Variants in EBF1 observed in about 807,000 individuals in gnomAD.
EBF1 encodes EBF transcription factor 1, also known as transcription factor COE1.
Under a neutral mutation model 68.4 loss-of-function variants are expected in EBF1, and 10 were observed. The observed-to-expected ratio is 0.15, with a 90% CI of 0.09 to 0.25. The LOEUF is 0.25. Among genes scored for constraint, EBF1 ranks in the 10% least tolerant of loss-of-function variants. The pLI is 1.00. For missense variants in EBF1, 509 were observed against 794.4 expected (o/e 0.64, Z 4.32); for synonymous variants, 298 against 299.8 (o/e 0.99, Z 0.06).
rs534374216 is a variant in EBF1, at chr5:158,840,645, G to GTTTTTTTTTTTTTTTTT, written c.555-552_555-536dup. Reference sequence around the variant, plus strand: ...TCCTTTGACTTCTCAAATACCTCCTGTTTTTTTTTTTTTTTTTTTTTTTTT... The same window carrying GTTTTTTTTTTTTTTTTT: ...TCCTTTGACTTCTCAAATACCTCCTGTTTTTTTTTTTTTTTTTTTTTTTTTTTTTTTTTTTTTTTTTT... On this transcript the variant is annotated intron_variant, in intron 6 of 15. Coordinates refer to ENST00000313708, the MANE Select transcript of EBF1 (RefSeq NM_024007.5). Among the ~76,000 whole-genome samples the GTTTTTTTTTTTTTTTTT allele has an allele frequency of 2.0e-4, 13 of 64,816 alleles. 3 individuals carry two copies. Among genetic ancestry groups the GTTTTTTTTTTTTTTTTT allele is most frequent in the East Asian group, 5.4e-4 (1 of 1,852 alleles). 42.5% of individuals were successfully genotyped at this position (64,816 alleles called of 152,430 possible).
intron 11 of EBF1, among the ~76,000 whole-genome samples, chr5:158,718,563 C>A (rs1761247529): frequency 6.6e-6 from 1 of 152,112 alleles, no homozygotes; most frequent in Non-Finnish European, 1.5e-5. Context: ...CTCATTCAAC[C>A]TTCATAGAAA....
chr5:158,829,222 A>G (rs1786903110), intron 7 of EBF1, among the ~76,000 whole-genome samples: 1 of 152,060 alleles, frequency 6.6e-6, no homozygotes, highest in African/African-American at 2.4e-5. Context: ...TGTCACCCAG[A>G]CTGGAGGGCA....
intron 6 of EBF1, among the ~76,000 whole-genome samples, chr5:158,992,041 C>G (rs977090494): frequency 1.3e-5 from 2 of 152,118 alleles, no homozygotes; most frequent in African/African-American, 4.8e-5. Context: ...ACTACTAAAT[C>G]CTGCTTGGCT....
chr5:158,711,310 T>C (rs960783807), intron 14 of EBF1, among the ~76,000 whole-genome samples: 3 of 152,302 alleles, frequency 2.0e-5, no homozygotes, highest in African/African-American at 7.2e-5. Flanking sequence ...TATGAATAAT[T>C]ATGAAGGGAG....
intron 8 of EBF1, 74 bp downstream of exon 8, chr5:158,823,102 T>A (rs990753677): frequency 3.1e-6 from 5 of 1,588,946 alleles, no homozygotes; most frequent in Admixed American, 1.7e-5. Context: ...GAACATGTGG[T>A]GGAGTGGAAG....
intron 6 of EBF1, among the ~76,000 whole-genome samples, chr5:158,964,720 C>T (rs927214525): frequency 2.6e-5 from 4 of 152,144 alleles, no homozygotes; most frequent in African/African-American, 9.7e-5. Context: ...ATATGTAATC[C>T]TTTGAGTTCC....
intron 6 of EBF1, among the ~76,000 whole-genome samples, chr5:159,055,225 G>A (rs1020270413): frequency 6.6e-6 from 1 of 152,252 alleles, no homozygotes; most frequent in Non-Finnish European, 1.5e-5. Flanking sequence ...TTAATAATAG[G>A]TACTGTCCAA....
At chr5:158,923,763 A>T (rs1300124011) in intron 6 of EBF1, among the ~76,000 whole-genome samples, 1 of 152,224 alleles carries the variant, frequency 6.6e-6, no homozygotes, top group Admixed American at 6.5e-5. Context: ...TTTCACTGTA[A>T]GGTCCCTTTC....
intron 6 of EBF1, among the ~76,000 whole-genome samples, chr5:159,051,456 C>G (rs1203970651): frequency 6.9e-6 from 1 of 144,300 alleles, no homozygotes; most frequent in African/African-American, 2.6e-5. Flanking sequence ...CCCCGCCGCC[C>G]GGCGGCTGAC....
intron 1 of EBF1, among the ~76,000 whole-genome samples, chr5:159,097,991 G>T (rs1584607318): frequency 1.3e-5 from 2 of 152,296 alleles, no homozygotes; most frequent in African/African-American, 4.8e-5. Flanking sequence ...TTCACTTCCA[G>T]CCCAGTTACC....
At chr5:158,910,815 G>T (rs1479910730) in intron 6 of EBF1, among the ~76,000 whole-genome samples, 1 of 152,186 alleles carries the variant, frequency 6.6e-6, no homozygotes, top group Non-Finnish European at 1.5e-5. Flanking sequence ...ACAAAGGCTG[G>T]CTGAAGCCTG....
intron 6 of EBF1, among the ~76,000 whole-genome samples, chr5:158,947,444 G>C (rs1815015689): frequency 6.6e-6 from 1 of 152,216 alleles, no homozygotes; most frequent in Non-Finnish European, 1.5e-5. Flanking sequence ...GGCTAGGGGA[G>C]GGAGTTTCCT....
At chr5:158,775,824 ACACACT>A (rs1183585275) in intron 10 of EBF1, among the ~76,000 whole-genome samples, 2 of 138,874 alleles carry the variant, frequency 1.4e-5, no homozygotes, top group Admixed American at 7.2e-5. Flanking sequence ...ACACACACAC[ACACACT>A]GCTATGTGGA....
intron 15 of EBF1, among the ~76,000 whole-genome samples, chr5:158,700,972 T>A (rs1444936244): frequency 1.3e-5 from 2 of 152,120 alleles, no homozygotes; most frequent in East Asian, 3.9e-4. Flanking sequence ...AACCAGGAGC[T>A]CAGTATTTCA....
At chr5:158,903,581 T>C (rs1038092345) in intron 6 of EBF1, among the ~76,000 whole-genome samples, 3 of 152,116 alleles carry the variant, frequency 2.0e-5, no homozygotes, top group African/African-American at 7.2e-5. Flanking sequence ...GATTTCTTTA[T>C]CTGCTATGTT....
chr5:158,704,047 C>T (rs1385865540), intron 15 of EBF1, among the ~76,000 whole-genome samples: 1 of 152,188 alleles, frequency 6.6e-6, no homozygotes, highest in Non-Finnish European at 1.5e-5. Flanking sequence ...TAACATAGTC[C>T]AGTCAATCTG....
chr5:158,773,836 G>T (rs142248123), intron 10 of EBF1, among the ~76,000 whole-genome samples: 35 of 152,206 alleles, frequency 2.3e-4, no homozygotes, highest in African/African-American at 7.9e-4. Flanking sequence ...TGTAACACCT[G>T]CAAGAAAACA....
chr5:158,734,642 G>A (rs907821595), intron 10 of EBF1, among the ~76,000 whole-genome samples: 2 of 152,096 alleles, frequency 1.3e-5, no homozygotes, highest in African/African-American at 2.4e-5. Context: ...GTACCCAAGC[G>A]CAGGGCTCAG....
chr5:158,850,439 C>T (rs1329627505), intron 6 of EBF1, among the ~76,000 whole-genome samples: 1 of 152,168 alleles, frequency 6.6e-6, no homozygotes, highest in African/African-American at 2.4e-5. Context: ...CTCATGCTGT[C>T]TTCATCAGAA....
Sources: allele counts gnomAD v4.1 joint callset (sites outside exome capture counted in the v4.1 genomes callset), GRCh38; gene constraint gnomAD v4.1.1; transcripts MANE v1.5; gene names NCBI Gene and HGNC (gene_info 2026-07-23, HGNC 2026-07-21).